The following GALNT13 variants were observed in gnomAD, a reference collection of about 807,000 sequenced individuals.
GALNT13 encodes polypeptide N-acetylgalactosaminyltransferase 13, also known as UDP-GalNAc:polypeptide N-acetylgalactosaminyltransferase 13.
A neutral mutation model predicts 64.2 loss-of-function variants in GALNT13; 28 were observed. The ratio of observed to expected loss-of-function variants is 0.44; its 90% CI spans 0.32 to 0.60. The LOEUF is 0.60. Ranked by LOEUF, GALNT13 falls within the 20% of genes least tolerant of loss-of-function variation. The pLI, the probability that GALNT13 is intolerant of heterozygous loss-of-function variation, is 0.05. For missense variants in GALNT13, 577 were observed against 669.8 expected, an observed-to-expected ratio of 0.86 and a Z score of 1.53; for synonymous variants, 214 against 224.6, an observed-to-expected ratio of 0.95 and a Z score of 0.42.
the GALNT13 span, among the ~76,000 whole-genome samples, chr2:153,743,525 AT>A: frequency 2.0e-4 from 3 of 14,912 alleles, no homozygotes; most frequent in South Asian, 2.7e-3. Context: ...CTTTTTGTTT[AT>A]TTATCTATTT....
intron 3 of GALNT13, among the ~76,000 whole-genome samples, chr2:153,971,556 A>C (rs116740338): frequency 0.043 from 6,518 of 152,244 alleles, 437 homozygotes; most frequent in Admixed American, 0.2. Context: ...ATAATTTACC[A>C]CTAGAGAGAC....
At chr2:153,958,501 G>T (rs1692726830) in intron 3 of GALNT13, among the ~76,000 whole-genome samples, 1 of 152,120 alleles carries the variant, frequency 6.6e-6, no homozygotes, top group Admixed American at 6.5e-5. Flanking sequence ...AAATATTATT[G>T]CCATACTAAA....
chr2:154,216,260 A>G (rs1342432209), intron 4 of GALNT13, among the ~76,000 whole-genome samples: 1 of 152,084 alleles, frequency 6.6e-6, no homozygotes, highest in African/African-American at 2.4e-5. Flanking sequence ...ATGAACATTG[A>G]CAGCTGAGAG....
intron 3 of GALNT13, among the ~76,000 whole-genome samples, chr2:153,950,191 A>G (rs913740536): frequency 6.6e-6 from 1 of 151,936 alleles, no homozygotes; most frequent in Non-Finnish European, 1.5e-5. Context: ...CAACTGACCA[A>G]TTATTAAGTA....
intron 4 of GALNT13, among the ~76,000 whole-genome samples, chr2:154,173,083 C>T (rs986518441): frequency 6.6e-6 from 1 of 151,834 alleles, no homozygotes; most frequent in African/African-American, 2.4e-5. Flanking sequence ...AAAGTTACTG[C>T]GAAACTGTAG....
chr2:153,291,633 C>T, the GALNT13 span, among the ~76,000 whole-genome samples: 95 of 151,934 alleles, frequency 6.3e-4, 1 homozygote, highest in Middle Eastern at 0.01. Context: ...CACAAAGCAT[C>T]ACCCCTCCTC....
chr2:153,634,764 T>C, the GALNT13 span, among the ~76,000 whole-genome samples: 1 of 151,938 alleles, frequency 6.6e-6, no homozygotes, highest in Admixed American at 6.6e-5. Context: ...TTGACCAGGC[T>C]GGTCTTGAAC....
chr2:153,678,747 G>A, the GALNT13 span, among the ~76,000 whole-genome samples: 1 of 151,976 alleles, frequency 6.6e-6, no homozygotes, highest in Non-Finnish European at 1.5e-5. Context: ...GTTGGCTATT[G>A]TATTTATTTA....
chr2:153,921,829 A>T (rs1689778314), intron 2 of GALNT13, among the ~76,000 whole-genome samples: 1 of 152,178 alleles, frequency 6.6e-6, no homozygotes, highest in Non-Finnish European at 1.5e-5. Flanking sequence ...TGCAGAGCCA[A>T]TTAAAAACTG....
At chr2:153,620,537 CTG>C in the GALNT13 span, among the ~76,000 whole-genome samples, 1 of 151,888 alleles carries the variant, frequency 6.6e-6, no homozygotes, top group Non-Finnish European at 1.5e-5. Context: ...TTGATCAATT[CTG>C]CTACCATAAG....
chr2:153,476,224 C>T, the GALNT13 span, among the ~76,000 whole-genome samples: 1 of 152,294 alleles, frequency 6.6e-6, no homozygotes, highest in East Asian at 1.9e-4. Context: ...GTGGATATGA[C>T]ATTAAAGGCA....
intron 2 of GALNT13, among the ~76,000 whole-genome samples, chr2:153,908,267 G>A (rs1382910604): frequency 6.6e-6 from 1 of 151,920 alleles, no homozygotes; most frequent in East Asian, 1.9e-4. Context: ...TGTAATTTAA[G>A]TTCCTTATAG....
the GALNT13 span, among the ~76,000 whole-genome samples, chr2:153,527,227 A>C: frequency 2.0e-4 from 30 of 152,158 alleles, no homozygotes; most frequent in African/African-American, 7.0e-4. Flanking sequence ...CCCAAAGAAG[A>C]CTACCTCAAC....
chr2:153,636,768 A>T, the GALNT13 span, among the ~76,000 whole-genome samples: 1 of 152,142 alleles, frequency 6.6e-6, no homozygotes, highest in Non-Finnish European at 1.5e-5. Flanking sequence ...TTGTTCCTAC[A>T]TTGCTAGGAA....
chr2:153,575,094 A>G, the GALNT13 span, among the ~76,000 whole-genome samples: 316 of 152,260 alleles, frequency 2.1e-3, 5 homozygotes, highest in Admixed American at 0.017. Context: ...AAGCCCAGTA[A>G]TGCTCTGGTT....
At chr2:154,386,288 T>G (rs1698511006) in intron 9 of GALNT13, among the ~76,000 whole-genome samples, 1 of 151,956 alleles carries the variant, frequency 6.6e-6, no homozygotes, top group African/African-American at 2.4e-5. Flanking sequence ...TAACCATGTG[T>G]GGGAAAACAG....
intron 1 of GALNT13, among the ~76,000 whole-genome samples, chr2:153,874,780 C>T (rs999016726): frequency 2.0e-5 from 3 of 152,094 alleles, no homozygotes; most frequent in African/African-American, 7.2e-5. Context: ...CAGGGGTCTT[C>T]TGCTTCTTTG....
Position 154,009,854 on chromosome 2 carries a change from C to T in GALNT13, c.142+65215C>T, listed in dbSNP as rs546038548. Among the ~76,000 whole-genome samples the T allele has an allele frequency of 9.2e-5, 14 of 152,136 alleles. No homozygotes were observed. The South Asian group carries it at 1.2e-3, about 14-fold the overall frequency. On this transcript the variant is annotated intron_variant, in intron 3 of 12. Coordinates refer to ENST00000392825, the MANE Select transcript of GALNT13 (RefSeq NM_052917.4). The stretch of plus-strand genomic sequence containing the variant: ...GATTTCTTTGAGCAGGGTTTTGTAA[C>T]GCTTGTAGAAATCTTTCACCTCCCT...
At chr2:153,296,706 CACTTT>C in the GALNT13 span, among the ~76,000 whole-genome samples, 1 of 152,090 alleles carries the variant, frequency 6.6e-6, no homozygotes, top group Admixed American at 6.6e-5. Flanking sequence ...AGCATATTTT[CACTTT>C]AGTCTAAAAT....
Sources: gnomAD v4.1 joint callset for allele counts (sites outside exome capture counted in the v4.1 genomes callset) on GRCh38, gnomAD v4.1.1 for gene constraint, MANE v1.5 for transcripts, NCBI Gene and HGNC (gene_info 2026-07-23, HGNC 2026-07-21) for gene names.